SASH1: variants seen among roughly 807,000 people sequenced by gnomAD.
SASH1 encodes SAM and SH3 domain containing 1, also known as SAM and SH3 domain-containing protein 1.
In SASH1, 44 loss-of-function variants were observed where a neutral mutation model predicts 125.2. That is an observed-to-expected ratio of 0.35 (90% confidence interval 0.28 to 0.45). SASH1 has a LOEUF of 0.45. Among genes scored for constraint, SASH1 ranks in the 20% least tolerant of loss-of-function variants. The pLI is 1.00. For missense variants in SASH1, 1,426 were observed against 1,614.5 expected (o/e 0.88, Z 2.00); for synonymous variants, 639 against 649.1 (o/e 0.98, Z 0.24).
chr6:148,506,603 G>A (rs956299968), intron 8 of SASH1, among the ~76,000 whole-genome samples: 6 of 152,188 alleles, frequency 3.9e-5, no homozygotes, highest in Admixed American at 2.6e-4. Context: ...CCACATTTAT[G>A]TGCAGGAATA....
intron 1 of SASH1, among the ~76,000 whole-genome samples, chr6:148,349,539 C>T (rs957734083): frequency 2.0e-5 from 3 of 152,132 alleles, no homozygotes; most frequent in African/African-American, 7.2e-5. Flanking sequence ...GCTGGGATTA[C>T]AGGCGTGAGC....
intron 8 of SASH1, among the ~76,000 whole-genome samples, chr6:148,492,015 A>C (rs190244834): frequency 1.2e-4 from 19 of 152,338 alleles, no homozygotes; most frequent in African/African-American, 4.3e-4. Flanking sequence ...GGACTGATTC[A>C]AACCCAACTT....
chr6:148,211,599 GA>G, the SASH1 span, among the ~76,000 whole-genome samples: 2 of 150,876 alleles, frequency 1.3e-5, no homozygotes, highest in Admixed American at 6.6e-5. Context: ...AGCACTAAAG[GA>G]AGGTACCAGT....
chr6:148,550,506 TAATG>T lies in SASH1; in HGVS notation c.*1949_*1952del, dbSNP rs989031027. The T allele has an allele frequency of 1.3e-5, 2 of 152,206 alleles. No individual in the cohort carries two copies. Among genetic ancestry groups the T allele is most frequent in the African/African-American group, 4.8e-5 (2 of 41,450 alleles). The allele number at this position is 152,206 out of a possible 1,614,324, so 9.4% of individuals were successfully genotyped here. ...TGCATTAGTATGCATTTTTAAAAAA[TAATG>T]CATGTTTCTTTAATAATTAATTTTC... On this transcript the variant is annotated 3_prime_UTR_variant, in exon 20 of 20. Transcript: ENST00000367467.
intron 4 of SASH1, among the ~76,000 whole-genome samples, chr6:148,441,029 A>G (rs1776523335): frequency 6.6e-6 from 1 of 152,274 alleles, no homozygotes; most frequent in Non-Finnish European, 1.5e-5. Context: ...AGACAAAAAC[A>G]AGAGAATCTT....
At chr6:148,389,195 C>T (rs967858594) in intron 1 of SASH1, among the ~76,000 whole-genome samples, 1 of 151,960 alleles carries the variant, frequency 6.6e-6, no homozygotes, top group Non-Finnish European at 1.5e-5. Context: ...CTACACGAGC[C>T]GGCTAAAGTC....
At chr6:148,386,515 A>G (rs1013577728) in intron 1 of SASH1, among the ~76,000 whole-genome samples, 27 of 152,210 alleles carry the variant, frequency 1.8e-4, no homozygotes, top group African/African-American at 6.3e-4. Context: ...ATGGATTTCT[A>G]TTCCAGACCA....
At chr6:148,290,379 G>A (rs1219520383) in intron 1 of SASH1, among the ~76,000 whole-genome samples, 1 of 151,514 alleles carries the variant, frequency 6.6e-6, no homozygotes, top group Non-Finnish European at 1.5e-5. Context: ...GGCCGAGGCG[G>A]GCAGATCACG....
At chr6:148,210,320 G>A in the SASH1 span, among the ~76,000 whole-genome samples, 1 of 152,304 alleles carries the variant, frequency 6.6e-6, no homozygotes, top group East Asian at 1.9e-4. Flanking sequence ...CTGAGGTCAG[G>A]AGTTCAAGAC....
intron 1 of SASH1, among the ~76,000 whole-genome samples, chr6:148,385,824 T>G (rs1353638291): frequency 6.6e-6 from 1 of 152,222 alleles, no homozygotes; most frequent in Non-Finnish European, 1.5e-5. Context: ...CTCTGCCTTG[T>G]GCATCTCTTC....
At chr6:148,298,663 G>GGAAGGA (rs1562312091) in intron 1 of SASH1, among the ~76,000 whole-genome samples, 1 of 90,070 alleles carries the variant, frequency 1.1e-5, no homozygotes, top group Non-Finnish European at 2.3e-5. Flanking sequence ...GGGAGGGAGG[G>GGAAGGA]AGGGAGGAAG....
chr6:148,542,884 G>GCA (rs1562500388), intron 17 of SASH1, among the ~76,000 whole-genome samples: 3 of 151,912 alleles, frequency 2.0e-5, no homozygotes, highest in East Asian at 1.9e-4. Flanking sequence ...GTGTGTGCGC[G>GCA]CGCACATGTA....
intron 2 of SASH1, among the ~76,000 whole-genome samples, chr6:148,433,018 G>C (rs949350897): frequency 6.6e-6 from 1 of 152,098 alleles, no homozygotes; most frequent in Non-Finnish European, 1.5e-5. Context: ...CATTTGTTTC[G>C]GTTTTGGTTT....
intron 1 of SASH1, among the ~76,000 whole-genome samples, chr6:148,373,613 T>G (rs1319303405): frequency 6.6e-6 from 1 of 152,066 alleles, no homozygotes; most frequent in East Asian, 1.9e-4. Flanking sequence ...TTCCAACTGT[T>G]GTGTTTAGAG....
chr6:148,374,659 A>C lies in SASH1; in HGVS notation c.157-15475A>C, dbSNP rs1320392941. On this transcript the variant is annotated intron_variant, in intron 1 of 19. Transcript: ENST00000367467. ...AACTTCCAAGATATTGTTCTTTTCA[A>C]ACTTAAATTTTATTGTGTGTATTTG... Among the ~76,000 whole-genome samples, 5 of 151,084 alleles carry C rather than the reference A, an allele frequency of 3.3e-5. No homozygotes were observed. The South Asian group carries it at 1.1e-3, about 32-fold the overall frequency.
chr6:148,298,295 G>A (rs2128511610), intron 1 of SASH1, among the ~76,000 whole-genome samples: 1 of 152,174 alleles, frequency 6.6e-6, no homozygotes, highest in South Asian at 2.1e-4. Context: ...TTATAGACAT[G>A]AGCCGCCGTG....
At chr6:148,377,075 C>CGTG (rs1782929907) in intron 1 of SASH1, among the ~76,000 whole-genome samples, 1 of 144,960 alleles carries the variant, frequency 6.9e-6, no homozygotes, top group Non-Finnish European at 1.5e-5. Flanking sequence ...GAGGCTGAGG[C>CGTG]AGGAGAATGG....
intron 1 of SASH1, among the ~76,000 whole-genome samples, chr6:148,374,039 A>G (rs17078277): frequency 0.093 from 14,168 of 152,286 alleles, 890 homozygotes; most frequent in South Asian, 0.21. Context: ...TGAGAATGGA[A>G]ACACACGGTC....
intron 8 of SASH1, chr6:148,508,738 T>C (rs1326547975): frequency 8.0e-7 from 1 of 1,247,556 alleles, no homozygotes; most frequent in Non-Finnish European, 1.0e-6. Flanking sequence ...GAGAGACATG[T>C]TCCAGGAGTG....
Sources: gnomAD v4.1 joint callset for allele counts (sites outside exome capture counted in the v4.1 genomes callset) on GRCh38, gnomAD v4.1.1 for gene constraint, MANE v1.5 for transcripts, NCBI Gene and HGNC (gene_info 2026-07-23, HGNC 2026-07-21) for gene names.